The following WDR20 variants were observed in gnomAD, a reference collection of about 807,000 sequenced individuals.
WDR20 encodes WD repeat-containing protein 20.
A neutral mutation model predicts 38.7 loss-of-function variants in WDR20; 3 were observed. That is an observed-to-expected ratio of 0.08 (90% CI 0.04 to 0.20). The LOEUF (loss-of-function observed/expected upper bound fraction) is 0.20. Among genes scored for constraint, WDR20 ranks in the 10% least tolerant of loss-of-function variants. WDR20 has a pLI of 1.00. For synonymous variants in WDR20, 298 were observed against 285.6 expected, an observed-to-expected ratio of 1.04 and a Z score of -0.44; for missense variants, 559 against 727.7, an observed-to-expected ratio of 0.77 and a Z score of 2.67.
Position 102,209,349 on chromosome 14 carries a change from C to T in WDR20, c.1179C>T (p.Pro393=). The T allele has an allele frequency of 6.2e-7, 1 of 1,614,160 alleles. No homozygotes were observed. Among genetic ancestry groups the T allele is most frequent in the Non-Finnish European group, 8.5e-7 (1 of 1,180,040 alleles). The part of the protein sequence containing the change: ...LTEDILFPHQ[P]LSRARTHTNV... ...AAGATATCCTTTTCCCTCACCAACC[C>T]CTCTCAAGAGCAAGGACACACACAA... is the stretch of plus-strand genomic sequence containing the variant. The change falls in exon 3 of 3, where the codon CCC becomes CCT. Residue 393 remains proline, a synonymous_variant. Transcript: ENST00000342702. The surrounding 1 kb of genome is among the most constrained non-coding windows in gnomAD (Gnocchi z 6.0).
chr14:102,183,068 G>GA (rs1367865651), intron 1 of WDR20, among the ~76,000 whole-genome samples: 11 of 150,148 alleles, frequency 7.3e-5, no homozygotes, highest in African/African-American at 2.7e-4. Context: ...CTCAGAGAGA[G>GA]AGAAAAAAAA....
intron 1 of WDR20, among the ~76,000 whole-genome samples, chr14:102,175,661 A>G (rs746581578): frequency 1.3e-5 from 2 of 152,194 alleles, no homozygotes; most frequent in African/African-American, 4.8e-5. Context: ...CATTTTCACA[A>G]TACTGATTTT....
chr14:102,153,714 A>G (rs558161154), intron 1 of WDR20, among the ~76,000 whole-genome samples: 3 of 152,292 alleles, frequency 2.0e-5, no homozygotes, highest in East Asian at 1.9e-4. Context: ...TGCCCTCCCT[A>G]GAACCTCTTT....
intron 1 of WDR20, chr14:102,193,515 G>C (rs1224264566): frequency 6.2e-7 from 1 of 1,613,148 alleles, no homozygotes; most frequent in East Asian, 2.2e-5. Context: ...TTTAACTGAG[G>C]TGAGGCTGGG....
chr14:102,213,905 C>T, downstream of WDR20: 2 of 985,446 alleles, frequency 2.0e-6, no homozygotes, highest in Non-Finnish European at 2.4e-6. Context: ...TGTCTGACTG[C>T]CCACGGAAGA....
chr14:102,161,143 T>TATATATATATATA (rs1491558046), intron 1 of WDR20, among the ~76,000 whole-genome samples: 24 of 11,216 alleles, frequency 2.1e-3, no homozygotes, highest in East Asian at 0.01. Context: ...TATATATATA[T>TATATATATATATA]TTTTTTTTTT....
chr14:102,179,952 A>G (rs958333332), intron 1 of WDR20, among the ~76,000 whole-genome samples: 2 of 152,204 alleles, frequency 1.3e-5, no homozygotes, highest in African/African-American at 4.8e-5. Context: ...CAGGAGTTCA[A>G]GACCAGCCTG....
At chr14:102,214,928 A>G (rs1042898276), downstream of WDR20, 63 of 984,982 alleles carry the variant, frequency 6.4e-5, no homozygotes, top group Non-Finnish European at 7.5e-5. Flanking sequence ...GACTTACTAC[A>G]TACTTGATAT....
chr14:102,207,105 C>T lies in WDR20; in HGVS notation c.433-1498C>T, dbSNP rs569162230. Among the ~76,000 whole-genome samples, 5 of 152,316 alleles carry T rather than the reference C, an allele frequency of 3.3e-5. No individual in the cohort carries two copies. Among genetic ancestry groups the T allele is most frequent in the East Asian group, 1.9e-4 (1 of 5,184 alleles). Reference sequence around the variant, plus strand: ...CTGTGTCCCCAAGGCTGGCTTGCCACGTGCCTATTAATTTAAGAGGACCAG... The same window carrying T: ...CTGTGTCCCCAAGGCTGGCTTGCCATGTGCCTATTAATTTAAGAGGACCAG... On this transcript the variant is annotated intron_variant, in intron 2 of 2. Coordinates refer to ENST00000342702, the MANE Select transcript of WDR20 (RefSeq NM_144574.4). This position sits in a 1 kb window ranked among gnomAD's most constrained non-coding sequence, Gnocchi z 5.0.
At chr14:102,219,621 T>C (rs1464350750), downstream of WDR20, among the ~76,000 whole-genome samples, 1 of 152,234 alleles carries the variant, frequency 6.6e-6, no homozygotes, top group African/African-American at 2.4e-5. Context: ...ACGGGCGGGC[T>C]CCAGGGAGTC....
At chr14:102,165,636 CTT>C (rs398026421) in intron 1 of WDR20, among the ~76,000 whole-genome samples, 122 of 129,318 alleles carry the variant, frequency 9.4e-4, no homozygotes, top group African/African-American at 2.7e-3. Flanking sequence ...CTTTTCTTTT[CTT>C]TTTTTTTTTT....
At chr14:102,184,519 A>G (rs2064112779) in intron 1 of WDR20, among the ~76,000 whole-genome samples, 1 of 151,972 alleles carries the variant, frequency 6.6e-6, no homozygotes. Flanking sequence ...CTGCCACAGA[A>G]TGTCCGCCCT....
Position 102,208,518 on chromosome 14 carries a change from C to G in WDR20, c.433-85C>G. ...CCTGGATAGACTTGCCCCTTCCCATCGAGAAGCACACAAGTTTTCTTGCTG... is the reference window on the plus strand; with the variant it reads ...CCTGGATAGACTTGCCCCTTCCCATGGAGAAGCACACAAGTTTTCTTGCTG... On this transcript the variant is annotated intron_variant, in intron 2 of 2. Transcript: ENST00000342702. This position sits in a 1 kb window ranked among gnomAD's most constrained non-coding sequence, Gnocchi z 5.6. The G allele has an allele frequency of 6.7e-7, 1 of 1,492,032 alleles. No individual in the cohort carries two copies. The highest frequency in any genetic ancestry group is 1.4e-5 in the South Asian group (1 of 72,212). The allele number at this position is 1,492,032 out of a possible 1,614,324, so 92.4% of individuals were successfully genotyped here.
At position 102,222,435 on chromosome 14, in the gene WDR20, C is replaced by T. The variant is rs1334659505; in HGVS notation, c.1693-395C>T. 6.6e-6 allele frequency among the ~76,000 whole-genome samples: 1 copy of T among 152,206 alleles called. No homozygotes were observed. Among genetic ancestry groups the T allele is most frequent in the Non-Finnish European group, 1.5e-5 (1 of 68,040 alleles). ...GGCTCCGAGGGACTGGGTGTGCGGT[C>T]CAGAACTGCGGTGCCCTGGGCTCAA... On this transcript the variant is annotated intron_variant, in intron 3 of 3. Coordinates refer to the WDR20 transcript ENST00000335263. This position sits in a 1 kb window ranked among gnomAD's most constrained non-coding sequence, Gnocchi z 4.4.
chr14:102,181,970 A>G (rs2063480709), intron 1 of WDR20, among the ~76,000 whole-genome samples: 1 of 152,186 alleles, frequency 6.6e-6, no homozygotes, highest in African/African-American at 2.4e-5. Flanking sequence ...TTTTTATTTC[A>G]GGTTTCAAGA....
At chr14:102,200,483 G>T (rs1354549430) in intron 2 of WDR20, among the ~76,000 whole-genome samples, 19 of 114,628 alleles carry the variant, frequency 1.7e-4, no homozygotes, top group African/African-American at 6.2e-4. Flanking sequence ...GTGTGTGTGT[G>T]TGTGTGTGTG....
chr14:102,161,142 A>ATTTTTTTTT (rs1233679287), intron 1 of WDR20, among the ~76,000 whole-genome samples: 2 of 16,050 alleles, frequency 1.2e-4, no homozygotes, highest in African/African-American at 3.2e-4. Flanking sequence ...ATATATATAT[A>ATTTTTTTTT]TTTTTTTTTT....
chr14:102,165,373 C>A (rs1225094505), intron 1 of WDR20, among the ~76,000 whole-genome samples: 1 of 152,062 alleles, frequency 6.6e-6, no homozygotes, highest in Admixed American at 6.6e-5. Flanking sequence ...TTCAAAGAGT[C>A]AGCTAGTATC....
In WDR20 at chr14:102,174,565, G is replaced by A. The variant is rs542056312; in HGVS notation, c.250-20373G>A. On this transcript the variant is annotated intron_variant, in intron 1 of 2. Coordinates refer to ENST00000342702, the MANE Select transcript of WDR20 (RefSeq NM_144574.4). The stretch of plus-strand genomic sequence containing the variant: ...CTCCCGAGTAGCTGGGACTACAGGC[G>A]CCCGCCACCATGCCTGGCTAATTTT... 5.0e-4 allele frequency among the ~76,000 whole-genome samples: 76 copies of A among 152,138 alleles called. No individual in the cohort carries two copies. In the Middle Eastern group the frequency reaches 0.01, roughly 20 times the overall value.
Sources: gnomAD v4.1 joint callset for allele counts (sites outside exome capture counted in the v4.1 genomes callset) on GRCh38, gnomAD v4.1.1 for gene constraint, Gnocchi (gnomAD v3.1) non-coding constraint, MANE v1.5 for transcripts, NCBI Gene and HGNC (gene_info 2026-07-23, HGNC 2026-07-21) for gene names.